The following TEX11 variants were observed in gnomAD, a reference collection of about 807,000 sequenced individuals.
TEX11 encodes the protein testis expressed 11, also known as testis-expressed protein 11.
TEX11 carries 7 observed loss-of-function variants against 84.4 expected under a neutral mutation model. The observed-to-expected ratio is 0.08, with a 90% CI of 0.05 to 0.16. The LOEUF is 0.16. Among genes scored for constraint, TEX11 ranks in the 10% least tolerant of loss-of-function variants. The pLI is 1.00. For missense variants in TEX11, 551 were observed against 660.5 expected (o/e 0.83, Z 1.82); for synonymous variants, 264 against 222.8 (o/e 1.18, Z -1.64).
chrX:70,830,182 T>C (rs1208322842), intron 8 of TEX11, among the ~76,000 whole-genome samples: 2 of 111,543 alleles, frequency 1.8e-5, no homozygotes, highest in African/African-American at 6.5e-5. Context: ...AGATATTCCA[T>C]GACAACGGAA....
At chrX:70,682,648 A>G in intron 14 of TEX11, 26 bp downstream of exon 14, 2 of 1,200,500 alleles carry the variant, frequency 1.7e-6, no homozygotes, top group Non-Finnish European at 2.2e-6. Flanking sequence ...ATACGTTTCT[A>G]AAACACTTGC....
In TEX11 at chrX:70,873,397, C is replaced by G. The variant is rs748754979; in HGVS notation, c.160-90G>C. On this transcript the variant is annotated intron_variant, in intron 3 of 29. Coordinates refer to ENST00000374333, the MANE Select transcript of TEX11 (RefSeq NM_031276.3). ...TCTTGAATGTTGTATGCTTATGTAA[C>G]TATTGTGGGTCATTTCCAGGCCCTC... 295 of 632,913 alleles carry G rather than the reference C, an allele frequency of 4.7e-4. 3 individuals carry two copies. The Admixed American group carries it at 7.6e-3, about 16-fold the overall frequency. 52.2% of individuals were successfully genotyped at this position (632,913 alleles called of 1,213,427 possible). A position where few individuals can be genotyped will look rare whatever the true frequency, so the allele number is the denominator to read the frequency against.
intron 2 of TEX11, among the ~76,000 whole-genome samples, chrX:70,906,072 AAAAAAAAAAAAAAAAAAAATAT>A (rs2091828722): frequency 5.9e-5 from 1 of 17,058 alleles, no homozygotes; most frequent in Non-Finnish European, 9.3e-5. Context: ...AAAAAAAAAA[AAAAAAAAAAAAAAAAAAAATAT>A]ATATATATAT....
At chrX:70,849,356 A>C (rs1476299401) in intron 7 of TEX11, among the ~76,000 whole-genome samples, 1 of 112,064 alleles carries the variant, frequency 8.9e-6, no homozygotes, top group East Asian at 2.8e-4. Flanking sequence ...TATAGTACCC[A>C]ATTTTTTCTA....
chrX:70,563,161 C>T (rs2088398856), intron 25 of TEX11, among the ~76,000 whole-genome samples: 1 of 111,615 alleles, frequency 9.0e-6, no homozygotes, highest in African/African-American at 3.3e-5. Flanking sequence ...CCTTCTAATG[C>T]ATACACAGGG....
chrX:70,546,795 A>T (rs775702458), intron 28 of TEX11, among the ~76,000 whole-genome samples: 1 of 111,011 alleles, frequency 9.0e-6, no homozygotes, highest in Non-Finnish European at 1.9e-5. Context: ...TTTGGCAAAC[A>T]GACTGCAGCT....
chrX:70,586,102 G>A (rs907613545), intron 25 of TEX11, among the ~76,000 whole-genome samples: 1 of 112,526 alleles, frequency 8.9e-6, no homozygotes, highest in African/African-American at 3.2e-5. Flanking sequence ...ATGGCATGGT[G>A]GCAACTGGAT....
intron 11 of TEX11, among the ~76,000 whole-genome samples, chrX:70,740,175 T>A (rs1288148476): frequency 8.9e-6 from 1 of 112,033 alleles, no homozygotes; most frequent in Non-Finnish European, 1.9e-5. Flanking sequence ...TTCATGCTGC[T>A]ATAACAAAAT....
intron 20 of TEX11, among the ~76,000 whole-genome samples, chrX:70,618,111 T>C (rs1372577316): frequency 8.9e-6 from 1 of 111,953 alleles, no homozygotes; most frequent in African/African-American, 3.2e-5. Context: ...AAGGAAGAAT[T>C]GAACAGTGGT....
intron 9 of TEX11, among the ~76,000 whole-genome samples, chrX:70,746,429 T>A (rs1410971204): frequency 1.8e-5 from 2 of 111,359 alleles, no homozygotes; most frequent in Non-Finnish European, 3.8e-5. Context: ...AGCTGGCTCA[T>A]CAGGCAGAGG....
At position 70,561,418 on chromosome X, in the gene TEX11, C is replaced by T. The variant is rs1411746078; in HGVS notation, c.2141-6618G>A. The stretch of plus-strand genomic sequence containing the variant: ...TTTTTTTTTTTTTTTGACAGAGTCT[C>T]GTTCTGTCGCCCAGGCTGGAGTGTG... On this transcript the variant is annotated intron_variant, in intron 25 of 29. Coordinates refer to ENST00000374333, the MANE Select transcript of TEX11 (RefSeq NM_031276.3). Among the ~76,000 whole-genome samples, 17 of 89,701 alleles carry T rather than the reference C, an allele frequency of 1.9e-4. No homozygotes were observed. The East Asian group carries it at 5.3e-3, about 28-fold the overall frequency. 77.9% of individuals were successfully genotyped at this position (89,701 alleles called of 115,157 possible). A position where few individuals can be genotyped will look rare whatever the true frequency, so the allele number is the denominator to read the frequency against.
At chrX:70,652,199 G>A (rs897857329) in intron 16 of TEX11, among the ~76,000 whole-genome samples, 6 of 111,548 alleles carry the variant, frequency 5.4e-5, no homozygotes, top group Non-Finnish European at 9.4e-5. Context: ...ACATTATACA[G>A]GAAGCTAAAA....
intron 10 of TEX11, 55 bp from the exon 11 acceptor site, chrX:70,740,851 C>T: frequency 1.3e-6 from 1 of 759,035 alleles, no homozygotes; most frequent in Non-Finnish European, 1.9e-6. Flanking sequence ...AACTTCAATA[C>T]AACAGCTGAC....
intron 2 of TEX11, among the ~76,000 whole-genome samples, chrX:70,894,582 C>T (rs1011538896): frequency 1.9e-4 from 21 of 108,543 alleles, no homozygotes; most frequent in Non-Finnish European, 2.5e-4. Flanking sequence ...GCCAAGATTG[C>T]GCCACTGCCC....
intron 3 of TEX11, among the ~76,000 whole-genome samples, chrX:70,876,723 C>T (rs894794756): frequency 2.7e-5 from 3 of 111,436 alleles, no homozygotes; most frequent in Non-Finnish European, 5.6e-5. Flanking sequence ...GATTTCAAGA[C>T]TAGCCTGTGC....
At chrX:70,754,389 G>T (rs191395770) in intron 9 of TEX11, among the ~76,000 whole-genome samples, 3 of 111,387 alleles carry the variant, frequency 2.7e-5, no homozygotes, top group Non-Finnish European at 5.7e-5. Flanking sequence ...GAGTGGGAGG[G>T]ATTGCATCTT....
the TEX11 span, among the ~76,000 whole-genome samples, chrX:70,518,061 A>G: frequency 9.4e-6 from 1 of 106,785 alleles, no homozygotes; most frequent in African/African-American, 3.5e-5. Context: ...GTTGATCTTT[A>G]AAAAAAAACA....
intron 8 of TEX11, among the ~76,000 whole-genome samples, chrX:70,809,572 C>A (rs1465280344): frequency 1.8e-5 from 2 of 111,665 alleles, no homozygotes; most frequent in African/African-American, 6.5e-5. Flanking sequence ...AGTATAAGAA[C>A]ACTATGTAGA....
chrX:70,878,909 G>A (rs2091669298), intron 3 of TEX11, among the ~76,000 whole-genome samples: 2 of 111,685 alleles, frequency 1.8e-5, no homozygotes, highest in East Asian at 5.5e-4. Flanking sequence ...AACAAAATAT[G>A]GTATATCCAT....
Sources: gnomAD v4.1 joint callset for allele counts (sites outside exome capture counted in the v4.1 genomes callset) on GRCh38, gnomAD v4.1.1 for gene constraint, MANE v1.5 for transcripts, NCBI Gene and HGNC (gene_info 2026-07-23, HGNC 2026-07-21) for gene names.